Variants in PALM2AKAP2 observed in about 807,000 individuals in gnomAD.
The protein encoded by PALM2AKAP2 is PALM2 and AKAP2 fusion.
A neutral mutation model predicts 71.5 loss-of-function variants in PALM2AKAP2; 37 were observed. The observed-to-expected ratio is 0.52, with a 90% CI of 0.40 to 0.68. The LOEUF (loss-of-function observed/expected upper bound fraction) is 0.68, where lower values mean the gene tolerates loss of function less well. PALM2AKAP2 is among the 30% of genes least tolerant of loss of function. The pLI is 0.00. For missense variants in PALM2AKAP2, 1,224 were observed against 1,191.8 expected, an observed-to-expected ratio of 1.03 and a Z score of -0.40; for synonymous variants, 468 against 478.8, an observed-to-expected ratio of 0.98 and a Z score of 0.29.
chr9:109,697,231 C>T (rs1827985412), intron 1 of PALM2AKAP2, among the ~76,000 whole-genome samples: 1 of 151,576 alleles, frequency 6.6e-6, no homozygotes, highest in Admixed American at 6.6e-5. Context: ...ATGGAAGTCT[C>T]AAAATAGAGT....
At chr9:110,142,323 C>T (rs1836055433) in intron 2 of PALM2AKAP2, among the ~76,000 whole-genome samples, 1 of 151,952 alleles carries the variant, frequency 6.6e-6, no homozygotes. Context: ...TCCTGATCCG[C>T]CTCAGGTGAT....
intron 6 of PALM2AKAP2, among the ~76,000 whole-genome samples, chr9:109,971,528 C>T (rs906597433): frequency 2.6e-5 from 4 of 151,968 alleles, no homozygotes; most frequent in African/African-American, 7.3e-5. Context: ...CGGCTTCAAG[C>T]GATTCTCCTG....
chr9:110,119,724 G>A (rs144763483), intron 1 of PALM2AKAP2, among the ~76,000 whole-genome samples: 26 of 152,236 alleles, frequency 1.7e-4, no homozygotes, highest in East Asian at 1.9e-4. Flanking sequence ...TTTGTGAACC[G>A]TCTATCCATA....
At chr9:110,085,342 A>G (rs1834545603) in intron 1 of PALM2AKAP2, among the ~76,000 whole-genome samples, 1 of 152,236 alleles carries the variant, frequency 6.6e-6, no homozygotes, top group Admixed American at 6.5e-5. Context: ...AAAAAGTATA[A>G]GAGGTGGGAT....
rs896186714 is a variant in PALM2AKAP2, at chr9:109,708,717, T to C, written c.5+67851T>C. Among the ~76,000 whole-genome samples the C allele has an allele frequency of 5.9e-5, 9 of 152,334 alleles. No homozygotes were observed. In the East Asian group the frequency reaches 1.5e-3, roughly 26 times the overall value. Reference sequence around the variant, plus strand: ...AGCATTCTTAGAAAGTCTTTGAATGTCTATTCTTACTCACTTCTATGGGTG... The same window carrying C: ...AGCATTCTTAGAAAGTCTTTGAATGCCTATTCTTACTCACTTCTATGGGTG... On this transcript the variant is annotated intron_variant, in intron 1 of 6. Transcript: ENST00000374531.
At chr9:109,807,291 AATTTTTGGAG>A (rs1291612566) in intron 1 of PALM2AKAP2, among the ~76,000 whole-genome samples, 1 of 152,206 alleles carries the variant, frequency 6.6e-6, no homozygotes, top group African/African-American at 2.4e-5. Context: ...TGTTAAGTTC[AATTTTTGGAG>A]ATGTTGGTCT....
At chr9:110,066,870 G>C (rs1319796527) in intron 1 of PALM2AKAP2, among the ~76,000 whole-genome samples, 1 of 152,040 alleles carries the variant, frequency 6.6e-6, no homozygotes, top group East Asian at 1.9e-4. Context: ...GTTTGCTGCA[G>C]TTTTTGCAGG....
At chr9:109,679,695 G>A (rs888321360) in intron 1 of PALM2AKAP2, among the ~76,000 whole-genome samples, 6 of 151,886 alleles carry the variant, frequency 4.0e-5, no homozygotes, top group African/African-American at 1.5e-4. Context: ...TGAGCTCAGG[G>A]GTATGAGCTC....
chr9:109,821,758 T>C (rs968027747), intron 1 of PALM2AKAP2, among the ~76,000 whole-genome samples: 1 of 152,142 alleles, frequency 6.6e-6, no homozygotes, highest in Non-Finnish European at 1.5e-5. Context: ...TGCCCAAGGC[T>C]CCAGCCCTGC....
chr9:110,100,090 A>C (rs945480693), intron 1 of PALM2AKAP2, among the ~76,000 whole-genome samples: 1 of 96,204 alleles, frequency 1.0e-5, no homozygotes, highest in East Asian at 2.9e-4. Flanking sequence ...TAGAAACATA[A>C]ATATTTTATC....
chr9:110,152,178 A>G (rs1836331975), intron 2 of PALM2AKAP2, among the ~76,000 whole-genome samples: 1 of 152,168 alleles, frequency 6.6e-6, no homozygotes, highest in Non-Finnish European at 1.5e-5. Context: ...CAGAGGTTGC[A>G]ATGAACCCAG....
At chr9:109,926,317 T>C (rs1290793262) in intron 5 of PALM2AKAP2, among the ~76,000 whole-genome samples, 1 of 152,178 alleles carries the variant, frequency 6.6e-6, no homozygotes, top group Non-Finnish European at 1.5e-5. Flanking sequence ...GGATTTTGTC[T>C]CCCCAGGTGA....
intron 1 of PALM2AKAP2, among the ~76,000 whole-genome samples, chr9:109,855,576 G>A (rs187866714): frequency 6.6e-5 from 10 of 152,276 alleles, no homozygotes; most frequent in East Asian, 3.9e-4. Context: ...CTTTCTATGC[G>A]TTATGTTTTT....
intron 3 of PALM2AKAP2, among the ~76,000 whole-genome samples, chr9:110,163,874 G>T (rs1836665380): frequency 6.6e-6 from 1 of 151,982 alleles, no homozygotes; most frequent in African/African-American, 2.4e-5. Context: ...TGTACCTATG[G>T]AAGAACCTGT....
At position 110,015,895 on chromosome 9, in the gene PALM2AKAP2, T is replaced by A. The variant is rs566522301; in HGVS notation, c.497-59T>A. ...GGATTGTAATCTGAGCAATAACAAC[T>A]GTGTATCCATGTCAGCTGAATGACT... On this transcript the variant is annotated intron_variant, in intron 6 of 9. Coordinates refer to the PALM2AKAP2 transcript ENST00000302798. 7.6e-6 allele frequency: 11 copies of A among 1,451,202 alleles called. No homozygotes were observed. In the Admixed American group the frequency reaches 2.0e-4, roughly 27 times the overall value. The allele number at this position is 1,451,202 out of a possible 1,614,324, so 89.9% of individuals were successfully genotyped here. A position where few individuals can be genotyped will look rare whatever the true frequency, so the allele number is the denominator to read the frequency against.
chr9:110,048,279 C>T (rs1833635679), upstream of PALM2AKAP2, among the ~76,000 whole-genome samples: 1 of 152,150 alleles, frequency 6.6e-6, no homozygotes, highest in South Asian at 2.1e-4. Flanking sequence ...CACACAGGCA[C>T]TCACACACTT....
At chr9:109,751,169 G>A (rs1828882224) in intron 1 of PALM2AKAP2, among the ~76,000 whole-genome samples, 1 of 152,174 alleles carries the variant, frequency 6.6e-6, no homozygotes, top group Non-Finnish European at 1.5e-5. Flanking sequence ...TGTCTAAACT[G>A]AGTGGGGAAC....
chr9:110,072,642 T>C (rs1297605083), intron 1 of PALM2AKAP2, among the ~76,000 whole-genome samples: 1 of 152,132 alleles, frequency 6.6e-6, no homozygotes. Context: ...TAGTGTCTTG[T>C]TTGAGGGAGC....
At chr9:109,649,213 A>AT (rs1167928100) in intron 1 of PALM2AKAP2, among the ~76,000 whole-genome samples, 5 of 150,434 alleles carry the variant, frequency 3.3e-5, no homozygotes, top group Non-Finnish European at 7.4e-5. Flanking sequence ...ATTTTCCTTT[A>AT]TTTTTTTGTA....
Sources: allele counts gnomAD v4.1 joint callset (sites outside exome capture counted in the v4.1 genomes callset), GRCh38; gene constraint gnomAD v4.1.1; transcripts MANE v1.5; gene names NCBI Gene and HGNC (gene_info 2026-07-23, HGNC 2026-07-21).